The following ABCA13 variants were observed in gnomAD, a reference collection of about 807,000 sequenced individuals.
ABCA13 encodes the protein ATP binding cassette subfamily A member 13.
ABCA13 carries 476 observed loss-of-function variants against 478.7 expected under a neutral mutation model. The ratio of observed to expected loss-of-function variants is 0.99; its 90% CI spans 0.92 to 1.07. The LOEUF (loss-of-function observed/expected upper bound fraction) is 1.07, where lower values mean the gene tolerates loss of function less well. Ranked by LOEUF, ABCA13 falls within the 50% of genes least tolerant of loss-of-function variation. The pLI, the probability that ABCA13 is intolerant of heterozygous loss-of-function variation, is 0.00. For missense variants in ABCA13, 6,060 were observed against 5,910.6 expected (o/e 1.03, Z -0.83); for synonymous variants, 2,252 against 2,158.9 (o/e 1.04, Z -1.20).
chr7:48,214,393 G>T (rs78547863), intron 3 of ABCA13, among the ~76,000 whole-genome samples: 3,529 of 152,206 alleles, frequency 0.023, 152 homozygotes, highest in African/African-American at 0.081. Context: ...TTCAACTTAA[G>T]GTCACCAGCT....
chr7:48,408,383 A>G (rs1818547181), intron 39 of ABCA13, among the ~76,000 whole-genome samples: 1 of 152,198 alleles, frequency 6.6e-6, no homozygotes, highest in African/African-American at 2.4e-5. Context: ...CTCTAGTCAG[A>G]TGATCTAAAC....
chr7:48,245,643 A>G (rs771702532), intron 12 of ABCA13, 31 bp downstream of exon 12: 21 of 1,582,034 alleles, frequency 1.3e-5, no homozygotes, highest in Middle Eastern at 3.6e-4. Flanking sequence ...ATAAATAAGC[A>G]TTTTTAATAA....
chr7:48,272,621 G>A lies in ABCA13; in HGVS notation c.2955G>A (p.Leu985=). The A allele has an allele frequency of 6.2e-7, 1 of 1,613,008 alleles. No individual in the cohort carries two copies. ...LLNIQSRGSS[L]TFLTQISKHI... is the part of the protein sequence containing the mutation. ...ATATTCAGAGTAGAGGCTCTTCGTT[G>A]ACTTTCCTTACACAAATCTCAAAAC... The change falls in exon 17 of 62, where the codon TTG becomes TTA. Residue 985 remains leucine (L), a synonymous_variant. Transcript: ENST00000435803.
rs188647443 is a variant in ABCA13, at chr7:48,442,777, C to T, written c.12566-12260C>T. Among the ~76,000 whole-genome samples, 68 of 152,250 alleles carry T rather than the reference C, an allele frequency of 4.5e-4. 1 individual carries two copies. Among genetic ancestry groups the T allele is most frequent in the African/African-American group, 1.4e-3 (57 of 41,548 alleles). On this transcript the variant is annotated intron_variant, in intron 42 of 61. Coordinates refer to ENST00000435803, the MANE Select transcript of ABCA13 (RefSeq NM_152701.5). ...GCATTTCTAACGAGTTCTCAGGAGA[C>T]GCTGCTAGTCCATGCATCACATCTG...
chr7:48,218,269 A>C (rs1451334132), intron 3 of ABCA13, among the ~76,000 whole-genome samples: 1 of 152,196 alleles, frequency 6.6e-6, no homozygotes, highest in African/African-American at 2.4e-5. Flanking sequence ...GAGAGTTTGA[A>C]TCATGGTTCA....
At position 48,279,533 on chromosome 7, in the gene ABCA13, A is replaced by G. The variant is rs1277283208; in HGVS notation, c.8339A>G (p.Glu2780Gly). ...NLLKTIETVLEASSGIKSDYE... is the reference protein window; with the variant it reads ...NLLKTIETVLGASSGIKSDYE... ...TTGAAAACCATAGAAACAGTTTTAG[A>G]GGCCTCCAGTGGAATTAAAAGTGAC... Residue 2780 changes from glutamate to glycine, a missense_variant, in exon 18 of 62, where the codon GAG becomes GGG. This residue lies in a region of ABCA13 where 4,423 missense variants were observed against 4,309.1 expected (regional missense o/e 1.03). Coordinates refer to ENST00000435803, the MANE Select transcript of ABCA13 (RefSeq NM_152701.5). The G allele has an allele frequency of 8.7e-6, 14 of 1,613,396 alleles. No homozygotes were observed. Among genetic ancestry groups the G allele is most frequent in the African/African-American group, 1.3e-5 (1 of 74,916 alleles).
At chr7:48,597,010 G>A (rs896806293) in intron 58 of ABCA13, among the ~76,000 whole-genome samples, 1 of 150,256 alleles carries the variant, frequency 6.7e-6, no homozygotes, top group Admixed American at 6.6e-5. Flanking sequence ...GGAGTGCAGT[G>A]GCACGATCTT....
At chr7:48,172,152 G>A (rs1794165623) in intron 1 of ABCA13, among the ~76,000 whole-genome samples, 1 of 152,208 alleles carries the variant, frequency 6.6e-6, no homozygotes, top group South Asian at 2.1e-4. Context: ...GTAAGTGTAC[G>A]TTTTTGTGAA....
At position 48,392,690 on chromosome 7, in the gene ABCA13, C is replaced by T. The variant is rs373439210; in HGVS notation, c.11873+551C>T. 5.6e-4 allele frequency among the ~76,000 whole-genome samples: 85 copies of T among 152,278 alleles called. 1 individual carries two copies. In the South Asian group the frequency reaches 6.8e-3, roughly 12 times the overall value. ...TTAGCCTGAGATCTGGAAGATCTCT[C>T]CTGCTAGATCATAGCAGGTGCCATG... is the stretch of plus-strand genomic sequence containing the variant. On this transcript the variant is annotated intron_variant, in intron 38 of 61. Coordinates refer to ENST00000435803, the MANE Select transcript of ABCA13 (RefSeq NM_152701.5).
chr7:48,179,360 A>G (rs1369336296), intron 1 of ABCA13, among the ~76,000 whole-genome samples: 1 of 152,194 alleles, frequency 6.6e-6, no homozygotes, highest in Admixed American at 6.5e-5. Context: ...ACCTTACCCG[A>G]GGTCAGCTCT....
rs1185261069 is a variant in ABCA13 at position 48,290,969 on chromosome 7, G to GAGAAA, written c.8955+2896_8955+2900dup. Among the ~76,000 whole-genome samples the GAGAAA allele has an allele frequency of 3.2e-5, 4 of 125,852 alleles. No homozygotes were observed. The East Asian group carries it at 9.6e-4, about 30-fold the overall frequency. 82.6% of individuals were successfully genotyped at this position (125,852 alleles called of 152,430 possible). Reference sequence around the variant, plus strand: ...AAAAAAAAAAAAAAAAAAAAAAAAAGAGAAAAGAAGAAAAAAGCAGAGTGT... The same window carrying GAGAAA: ...AAAAAAAAAAAAAAAAAAAAAAAAAGAGAAAAGAAAAGAAGAAAAAAGCAGAGTGT... On this transcript the variant is annotated intron_variant, in intron 20 of 61. Coordinates refer to ENST00000435803, the MANE Select transcript of ABCA13 (RefSeq NM_152701.5).
rs1428667234 is a variant in ABCA13 at position 48,504,085 on chromosome 7, A to G, written c.13292-2251A>G. Among the ~76,000 whole-genome samples, 4 of 152,236 alleles carry G rather than the reference A, an allele frequency of 2.6e-5. No homozygotes were observed. In the East Asian group the frequency reaches 7.7e-4, roughly 29 times the overall value. On this transcript the variant is annotated intron_variant, in intron 48 of 61. Transcript: ENST00000435803. ...ATTGAAAACCAAGGAAATTAAATTC[A>G]GCGTTGGACAGACATGAGGCAGGAG...
At chr7:48,607,597 A>G (rs1397224835) in intron 58 of ABCA13, among the ~76,000 whole-genome samples, 1 of 152,160 alleles carries the variant, frequency 6.6e-6, no homozygotes, top group African/African-American at 2.4e-5. Context: ...CTAGCATCTG[A>G]GAACACTTAT....
chr7:48,449,020 T>C (rs1167677421), intron 42 of ABCA13, among the ~76,000 whole-genome samples: 1 of 152,054 alleles, frequency 6.6e-6, no homozygotes, highest in Non-Finnish European at 1.5e-5. Context: ...TTTTTGTATT[T>C]TTAGTAGAGA....
rs1816153711 is a variant in ABCA13, at chr7:48,392,077, G to A, written c.11811G>A (p.Leu3937=). 1 of 1,613,864 alleles carries A rather than the reference G, an allele frequency of 6.2e-7. No homozygotes were observed. Among genetic ancestry groups the A allele is most frequent in the South Asian group, 1.1e-5 (1 of 91,088 alleles). ...ACCTCACCGTCCGGGAACATTTGCTGCTCTTTGCTTCCATAAAGGCGCCTC... is the reference window on the plus strand; with the variant it reads ...ACCTCACCGTCCGGGAACATTTGCTACTCTTTGCTTCCATAAAGGCGCCTC... The part of the protein sequence containing the change: ...LDNLTVREHL[L]LFASIKAPQW... Residue 3937 remains leucine (L), a synonymous_variant, in exon 38 of 62, where the codon CTG becomes CTA. Coordinates refer to ENST00000435803, the MANE Select transcript of ABCA13 (RefSeq NM_152701.5).
intron 55 of ABCA13, among the ~76,000 whole-genome samples, chr7:48,550,265 C>CTT (rs57540403): frequency 9.4e-5 from 14 of 148,428 alleles, no homozygotes; most frequent in African/African-American, 2.7e-4. Flanking sequence ...CTCTATTTTT[C>CTT]TTTTTTTTGG....
At chr7:48,543,561 T>C (rs1585755033) in intron 55 of ABCA13, among the ~76,000 whole-genome samples, 2 of 151,140 alleles carry the variant, frequency 1.3e-5, no homozygotes, top group South Asian at 4.2e-4. Context: ...GAGTCGGAGG[T>C]TGCAGTGAGC....
intron 51 of ABCA13, among the ~76,000 whole-genome samples, chr7:48,515,425 C>T (rs758626985): frequency 6.6e-5 from 10 of 151,994 alleles, no homozygotes; most frequent in Admixed American, 2.6e-4. Context: ...ATTGAGGAGA[C>T]GGAATGAAGA....
At chr7:48,504,653 C>A (rs916444854) in intron 48 of ABCA13, among the ~76,000 whole-genome samples, 2 of 152,148 alleles carry the variant, frequency 1.3e-5, no homozygotes, top group Non-Finnish European at 2.9e-5. Flanking sequence ...TCCTCTTAAT[C>A]CAGAGTGTTC....
Sources: allele counts gnomAD v4.1 joint callset (sites outside exome capture counted in the v4.1 genomes callset), GRCh38; gene constraint gnomAD v4.1.1; regional missense constraint gnomAD v4.1.1; transcripts MANE v1.5; gene names NCBI Gene and HGNC (gene_info 2026-07-23, HGNC 2026-07-21).